VPREB3: variants seen among roughly 807,000 people sequenced by gnomAD.
VPREB3 encodes the protein V-set pre-B cell surrogate light chain 3, also known as pre-B lymphocyte protein 3.
Under a neutral mutation model 12.9 loss-of-function variants are expected in VPREB3, and 14 were observed. The ratio of observed to expected loss-of-function variants is 1.09; its 90% CI spans 0.72 to 1.70. The LOEUF is 1.70. Ranked by LOEUF, VPREB3 falls within the 40% of genes most tolerant of loss-of-function variation. VPREB3 has a pLI of 0.00. For synonymous variants in VPREB3, 78 were observed against 70.1 expected (o/e 1.11, Z -0.56); for missense variants, 165 against 159.6 (o/e 1.03, Z -0.18).
In VPREB3 at chr22:23,753,253, T is replaced by A. The variant is rs546080402; in HGVS notation, c.50-55A>T. 344 of 1,499,190 alleles carry A rather than the reference T, an allele frequency of 2.3e-4. 5 individuals are homozygous for A. In the South Asian group the frequency reaches 4.2e-3, roughly 18 times the overall value. The allele number at this position is 1,499,190 out of a possible 1,614,324, so 92.9% of individuals were successfully genotyped here. A position where few individuals can be genotyped will look rare whatever the true frequency, so the allele number is the denominator to read the frequency against. Reference sequence around the variant, plus strand: ...CCCCTTCCCTCCCACCCCTGCCCTGTGAAGGCTTGGTTGGACTCCATGGAG... The same window carrying A: ...CCCCTTCCCTCCCACCCCTGCCCTGAGAAGGCTTGGTTGGACTCCATGGAG... On this transcript the variant is annotated intron_variant, in intron 1 of 1. Transcript: ENST00000248948.
chr22:23,753,055 G>A lies in VPREB3; in HGVS notation c.193C>T (p.Pro65Ser). 1.2e-6 allele frequency: 2 copies of A among 1,614,160 alleles called. No individual in the cohort carries two copies. The change falls in exon 2 of 2, where the codon CCT becomes TCT. Residue 65 changes from proline (P) to serine (S), a missense_variant. Coordinates refer to ENST00000248948, the MANE Select transcript of VPREB3 (RefSeq NM_013378.3). Reference protein sequence around the residue: ...SWYQQRAGSAPRYLLYYRSEE... With the variant: ...SWYQQRAGSASRYLLYYRSEE... ...GAGCGGTAGTAGAGGAGATATCGAG[G>A]GGCACTGCCTGCCCGCTGCTGGTAC... is the stretch of plus-strand genomic sequence containing the variant.
intron 1 of VPREB3, 74 bp downstream of exon 1, chr22:23,754,241 C>T: frequency 1.3e-6 from 2 of 1,516,372 alleles, no homozygotes; most frequent in Non-Finnish European, 1.8e-6. Context: ...GATTTGCCTC[C>T]TTGCAGGGGC....
intron 1 of VPREB3, 141 bp from the exon 2 acceptor site, chr22:23,753,339 G>A: frequency 1.1e-6 from 1 of 910,274 alleles, no homozygotes; most frequent in South Asian, 1.8e-5. Flanking sequence ...ACGGGGTGCA[G>A]GAGGCCTGGT....
Position 23,752,844 on chromosome 22 carries a change from C to T in VPREB3, c.*32G>A. 6.3e-7 allele frequency: 1 copy of T among 1,581,144 alleles called. No homozygotes were observed. The highest frequency in any genetic ancestry group is 8.6e-7 in the Non-Finnish European group (1 of 1,158,416). ...CAAGGTCAGGGGCAGAAATGGGAGGCAGAGGGGAGGCACCCATCTCACACC... is the reference window on the plus strand; with the variant it reads ...CAAGGTCAGGGGCAGAAATGGGAGGTAGAGGGGAGGCACCCATCTCACACC... On this transcript the variant is annotated 3_prime_UTR_variant, in exon 2 of 2. Transcript: ENST00000248948.
In VPREB3 at chr22:23,752,983, C is replaced by T. The variant is rs766002676; in HGVS notation, c.265G>A (p.Ala89Thr). The change falls in exon 2 of 2, where the codon GCA becomes ACA. Residue 89 changes from alanine to threonine, a missense_variant. Transcript: ENST00000248948. ...RPADIPDRFS[A>T]AKDEAHNACV... is the part of the protein sequence containing the mutation. ...GCATTGTGGGCCTCATCCTTGGCTGCCGAGAATCGATCGGGGATGTCAGCA... is the reference window on the plus strand; with the variant it reads ...GCATTGTGGGCCTCATCCTTGGCTGTCGAGAATCGATCGGGGATGTCAGCA... 1.9e-6 allele frequency: 3 copies of T among 1,614,002 alleles called. No homozygotes were observed. The highest frequency in any genetic ancestry group is 2.5e-6 in the Non-Finnish European group (3 of 1,180,024).
intron 1 of VPREB3, 142 bp downstream of exon 1, chr22:23,754,173 A>G (rs1200279746): frequency 3.7e-6 from 3 of 804,856 alleles, no homozygotes; most frequent in Admixed American, 5.6e-5. Context: ...CAAGAGCAAA[A>G]CTCCGTCTCA....
At chr22:23,753,334 G>T in intron 1 of VPREB3, 136 bp from the exon 2 acceptor site, 1 of 937,648 alleles carries the variant, frequency 1.1e-6, no homozygotes, top group Non-Finnish European at 1.6e-6. Flanking sequence ...AATGAACGGG[G>T]TGCAGGAGGC....
In VPREB3 at chr22:23,752,905, A is replaced by C. The variant is rs753547021; in HGVS notation, c.343T>G (p.Cys115Gly). ...VQPEDDADYY[C>G]SVGYGFSP ...GGACTAAAGCCGTAGCCAACAGAGC[A>C]GTAGTAATCCGCGTCGTCTTCAGGC... is the stretch of plus-strand genomic sequence containing the variant. The change falls in exon 2 of 2, where the codon TGC becomes GGC. Residue 115 changes from cysteine to glycine, a missense_variant. By Grantham distance (159) the Cys-to-Gly change is radical. Coordinates refer to ENST00000248948, the MANE Select transcript of VPREB3 (RefSeq NM_013378.3). 6.2e-7 allele frequency: 1 copy of C among 1,613,996 alleles called. No homozygotes were observed. Among genetic ancestry groups the C allele is most frequent in the South Asian group, 1.1e-5 (1 of 91,080 alleles).
Position 23,753,124 on chromosome 22 carries a change from G to T in VPREB3, c.124C>A (p.Leu42Ile). ...PGQVAQLSCT[L>I]SPQHVTIRDY... is the part of the protein sequence containing the mutation. Reference sequence around the variant, plus strand: ...CTGATGGTGACGTGCTGGGGGCTGAGCGTGCAGGAGAGTTGAGCCACTTGG... The same window carrying T: ...CTGATGGTGACGTGCTGGGGGCTGATCGTGCAGGAGAGTTGAGCCACTTGG... Residue 42 changes from leucine (L) to isoleucine (I), a missense_variant, in exon 2 of 2, where the codon CTC becomes ATC. By Grantham distance (5) the Leu-to-Ile change is conservative. Coordinates refer to ENST00000248948, the MANE Select transcript of VPREB3 (RefSeq NM_013378.3). The T allele has an allele frequency of 6.2e-7, 1 of 1,613,634 alleles. No individual in the cohort carries two copies. The highest frequency in any genetic ancestry group is 8.5e-7 in the Non-Finnish European group (1 of 1,179,840).
rs746307404 is a variant in VPREB3 at position 23,753,103 on chromosome 22, T to G, written c.145A>C (p.Ile49Leu). The G allele has an allele frequency of 6.2e-6, 10 of 1,614,062 alleles. No homozygotes were observed. The highest frequency in any genetic ancestry group is 8.5e-6 in the Non-Finnish European group (10 of 1,179,986). The change falls in exon 2 of 2, where the codon ATC becomes CTC. Residue 49 changes from isoleucine to leucine, a missense_variant. Coordinates refer to ENST00000248948, the MANE Select transcript of VPREB3 (RefSeq NM_013378.3). ...SCTLSPQHVTIRDYGVSWYQQ... is the reference protein window; with the variant it reads ...SCTLSPQHVTLRDYGVSWYQQ... ...TACCAGGACACACCGTAGTCCCTGA[T>G]GGTGACGTGCTGGGGGCTGAGCGTG... is the stretch of plus-strand genomic sequence containing the variant.
Position 23,754,353 on chromosome 22 carries a change from C to T in VPREB3, c.11G>A (p.Arg4Gln), listed in dbSNP as rs150757200. 1.2e-5 allele frequency: 19 copies of T among 1,609,604 alleles called. No individual in the cohort carries two copies. The African/African-American group carries it at 1.2e-4, about 10-fold the overall frequency. Residue 4 changes from arginine to glutamine, a missense_variant, in exon 1 of 2, where the codon CGG (arginine) becomes CAG (glutamine). Coordinates refer to ENST00000248948, the MANE Select transcript of VPREB3 (RefSeq NM_013378.3). Reference sequence around the variant, plus strand: ...CCCCATCAGAAGGAAGCTGAGGCACCGGCAGGCCATGGCCAGAGGCAGGGA... The same window carrying T: ...CCCCATCAGAAGGAAGCTGAGGCACTGGCAGGCCATGGCCAGAGGCAGGGA... MAC[R>Q]CLSFLLMGTF... is the part of the protein sequence containing the mutation.
Position 23,754,298 on chromosome 22 carries a change from G to A in VPREB3, c.49+17C>T. The A allele has an allele frequency of 6.3e-7, 1 of 1,592,350 alleles. No individual in the cohort carries two copies. Among genetic ancestry groups the A allele is most frequent in the Non-Finnish European group, 8.6e-7 (1 of 1,169,456 alleles). On this transcript the variant is annotated intron_variant, in intron 1 of 1. Transcript: ENST00000248948. ...CCCACCCCACACCCAGGTGACTGAG[G>A]CCCAGGAAAGATTCACCTGACAGGA...
chr22:23,753,424 A>G (rs1925423502), intron 1 of VPREB3, among the ~76,000 whole-genome samples: 1 of 152,032 alleles, frequency 6.6e-6, no homozygotes, highest in Non-Finnish European at 1.5e-5. Context: ...TAGCCCCCAA[A>G]TCTCCATTAG....
intron 1 of VPREB3, among the ~76,000 whole-genome samples, chr22:23,753,847 G>C (rs566646463): frequency 6.6e-6 from 1 of 152,154 alleles, no homozygotes; most frequent in Admixed American, 6.5e-5. Context: ...TTTGCCCCAG[G>C]TCAAGGGCAG....
chr22:23,753,400 G>T (rs1411432660), intron 1 of VPREB3, among the ~76,000 whole-genome samples: 1 of 152,170 alleles, frequency 6.6e-6, no homozygotes, highest in Non-Finnish European at 1.5e-5. Context: ...CTTTGTGAGT[G>T]AGGGGTTTGG....
chr22:23,752,944 T>C lies in VPREB3; in HGVS notation c.304A>G (p.Ile102Val), dbSNP rs1601325726. 6.2e-7 allele frequency: 1 copy of C among 1,614,094 alleles called. No individual in the cohort carries two copies. The highest frequency in any genetic ancestry group is 8.5e-7 in the Non-Finnish European group (1 of 1,180,006). ...TCGTCTTCAGGCTGCACGGGACTAA[T>C]GGTGAGGACACAGGCATTGTGGGCC... ...DEAHNACVLT[I>V]SPVQPEDDAD... is the part of the protein sequence containing the mutation. The change falls in exon 2 of 2, where the codon ATT becomes GTT. Residue 102 changes from isoleucine to valine, a missense_variant. Transcript: ENST00000248948.
chr22:23,753,608 C>T (rs1384071090), intron 1 of VPREB3, among the ~76,000 whole-genome samples: 2 of 152,150 alleles, frequency 1.3e-5, no homozygotes, highest in African/African-American at 2.4e-5. Context: ...TACAGACTAA[C>T]CACCCCCAGG....
At chr22:23,753,236 C>T in intron 1 of VPREB3, 38 bp from the exon 2 acceptor site, 2 of 1,524,148 alleles carry the variant, frequency 1.3e-6, no homozygotes, top group Non-Finnish European at 1.8e-6. Context: ...AGCCCCTTCC[C>T]TCCCACCCCT....
rs1469643592 is a variant in VPREB3, at chr22:23,754,350, C to T, written c.14G>A (p.Cys5Tyr). 5.6e-6 allele frequency: 9 copies of T among 1,609,966 alleles called. No homozygotes were observed. Among genetic ancestry groups the T allele is most frequent in the Non-Finnish European group, 7.6e-6 (9 of 1,178,352 alleles). Residue 5 changes from cysteine (C) to tyrosine (Y), a missense_variant, in exon 1 of 2, where the codon TGC (cysteine) becomes TAC (tyrosine). Transcript: ENST00000248948. MACRCLSFLLMGTFL... is the reference protein window; with the variant it reads MACRYLSFLLMGTFL... ...GGTCCCCATCAGAAGGAAGCTGAGGCACCGGCAGGCCATGGCCAGAGGCAG... is the reference window on the plus strand; with the variant it reads ...GGTCCCCATCAGAAGGAAGCTGAGGTACCGGCAGGCCATGGCCAGAGGCAG...
Sources: allele counts gnomAD v4.1 joint callset (sites outside exome capture counted in the v4.1 genomes callset), GRCh38; gene constraint gnomAD v4.1.1; transcripts MANE v1.5; gene names NCBI Gene and HGNC (gene_info 2026-07-23, HGNC 2026-07-21).